RAPH1: variants seen among roughly 807,000 people sequenced by gnomAD.
RAPH1 encodes the protein ras-associated and pleckstrin homology domains-containing protein 1.
RAPH1 carries 18 observed loss-of-function variants against 88.1 expected under a neutral mutation model. The ratio of observed to expected loss-of-function variants is 0.20; its 90% CI spans 0.14 to 0.30. The LOEUF is 0.30. RAPH1 is among the 10% of genes least tolerant of loss of function. The pLI, the probability that RAPH1 is intolerant of heterozygous loss-of-function variation, is 1.00. For missense variants in RAPH1, 1,448 were observed against 1,543.2 expected, an observed-to-expected ratio of 0.94 and a Z score of 1.03; for synonymous variants, 587 against 559.0, an observed-to-expected ratio of 1.05 and a Z score of -0.71.
In RAPH1 at chr2:203,527,244, T is replaced by TTTA. The variant is rs1310872775; in HGVS notation, c.-1+7866_-1+7867insTAA. On this transcript the variant is annotated intron_variant, in intron 1 of 13. Coordinates refer to ENST00000319170, the MANE Select transcript of RAPH1 (RefSeq NM_213589.3). ...TTAATACACACATGTATTTTATATATAATACATATTTATCCTTAACATACA... is the reference window on the plus strand; with the variant it reads ...TTAATACACACATGTATTTTATATATTTAAATACATATTTATCCTTAACATACA... Among the ~76,000 whole-genome samples, 5 of 152,292 alleles carry TTTA rather than the reference T, an allele frequency of 3.3e-5. No individual in the cohort carries two copies. The East Asian group carries it at 9.7e-4, about 29-fold the overall frequency.
At chr2:203,513,379 GAGTCTCGCTCTGTCGGCC>G (rs1288009719) in intron 1 of RAPH1, among the ~76,000 whole-genome samples, 187 of 104,104 alleles carry the variant, frequency 1.8e-3, no homozygotes, top group African/African-American at 7.7e-3. Context: ...TTTTGAGATA[GAGTCTCGCTCTGTCGGCC>G]AGGCTGAAGT....
At chr2:203,488,639 G>A (rs1021926233) in intron 4 of RAPH1, among the ~76,000 whole-genome samples, 200 of 96,168 alleles carry the variant, frequency 2.1e-3, no homozygotes, top group African/African-American at 7.6e-3. Flanking sequence ...AACAACTTTT[G>A]TTCTCTGAAC....
intron 1 of RAPH1, among the ~76,000 whole-genome samples, chr2:203,517,501 A>G (rs1227524215): frequency 2.6e-5 from 4 of 152,194 alleles, no homozygotes; most frequent in South Asian, 2.1e-4. Flanking sequence ...ACTCAATAAC[A>G]CCATCAATCA....
At chr2:203,470,165 G>A (rs985264038) in intron 4 of RAPH1, 1 of 942,960 alleles carries the variant, frequency 1.1e-6, no homozygotes, top group Non-Finnish European at 1.6e-6. Context: ...TAATATAAGA[G>A]CATGATCAAA....
At chr2:203,490,460 A>C (rs1342667208) in intron 3 of RAPH1, among the ~76,000 whole-genome samples, 1 of 152,228 alleles carries the variant, frequency 6.6e-6, no homozygotes, top group East Asian at 1.9e-4. Flanking sequence ...AGGGCATAAA[A>C]AGAGAAGTCA....
intron 1 of RAPH1, among the ~76,000 whole-genome samples, chr2:203,521,118 A>G (rs1332895901): frequency 6.6e-6 from 1 of 152,132 alleles, no homozygotes; most frequent in Non-Finnish European, 1.5e-5. Context: ...CAGTGACACA[A>G]TCTTGGCTCA....
chr2:203,484,458 G>A (rs969636942), intron 4 of RAPH1, among the ~76,000 whole-genome samples: 1 of 152,172 alleles, frequency 6.6e-6, no homozygotes, highest in Admixed American at 6.5e-5. Context: ...AGTAGCACAC[G>A]CCCTTGATGG....
chr2:203,488,588 T>TAAAAAAAA (rs750783858), intron 4 of RAPH1, among the ~76,000 whole-genome samples: 2 of 36,662 alleles, frequency 5.5e-5, no homozygotes, highest in Admixed American at 4.3e-4. Context: ...CTCCGTCTAT[T>TAAAAAAAA]AAAAAAAAAA....
chr2:203,473,688 T>C (rs553338333), intron 4 of RAPH1, among the ~76,000 whole-genome samples: 2 of 152,270 alleles, frequency 1.3e-5, no homozygotes, highest in East Asian at 3.9e-4. Context: ...AAAAAAATTA[T>C]GGTTTGGGCA....
At chr2:203,527,800 CAAAAAAAA>C (rs59384499) in intron 1 of RAPH1, among the ~76,000 whole-genome samples, 1 of 51,238 alleles carries the variant, frequency 2.0e-5, no homozygotes, top group African/African-American at 5.9e-5. Flanking sequence ...AACTCCATCT[CAAAAAAAA>C]AAAAAAAAAA....
At chr2:203,481,977 C>G (rs1412193630) in intron 4 of RAPH1, among the ~76,000 whole-genome samples, 1 of 150,276 alleles carries the variant, frequency 6.7e-6, no homozygotes, top group African/African-American at 2.4e-5. Flanking sequence ...CAAAAACAGA[C>G]CTAAACCTAA....
intron 4 of RAPH1, among the ~76,000 whole-genome samples, chr2:203,466,854 A>G (rs1394650615): frequency 1.3e-5 from 2 of 152,240 alleles, no homozygotes; most frequent in Non-Finnish European, 2.9e-5. Context: ...AATGAAAGCC[A>G]ACACTGTGGC....
intron 1 of RAPH1, among the ~76,000 whole-genome samples, chr2:203,532,264 T>C (rs1291895197): frequency 2.0e-5 from 3 of 152,236 alleles, no homozygotes; most frequent in African/African-American, 7.2e-5. Flanking sequence ...CACTGTGGCT[T>C]GTAGAATTAC....
chr2:203,521,531 T>C (rs1165105209), intron 1 of RAPH1, among the ~76,000 whole-genome samples: 3 of 152,130 alleles, frequency 2.0e-5, no homozygotes, highest in Non-Finnish European at 4.4e-5. Context: ...TACACCTCTT[T>C]AAAGGAAATT....
rs1256517441 is a variant in RAPH1 at position 203,437,400 on chromosome 2, G to A, written c.*2037C>T. ...TGGGTGCCCCTCAAACTATAAAACT[G>A]CAGGCAGAAGACTATGAGAAATTCA... On this transcript the variant is annotated 3_prime_UTR_variant, in exon 14 of 14. Transcript: ENST00000319170. 2 of 152,086 alleles carry A rather than the reference G, an allele frequency of 1.3e-5. No homozygotes were observed. Among genetic ancestry groups the A allele is most frequent in the Non-Finnish European group, 2.9e-5 (2 of 68,010 alleles). The allele number at this position is 152,086 out of a possible 1,614,324, so 9.4% of individuals were successfully genotyped here. A position where few individuals can be genotyped will look rare whatever the true frequency, so the allele number is the denominator to read the frequency against.
chr2:203,452,840 C>T (rs2098515982), intron 10 of RAPH1, among the ~76,000 whole-genome samples: 1 of 151,758 alleles, frequency 6.6e-6, no homozygotes, highest in South Asian at 2.1e-4. Flanking sequence ...CCCAGCTACT[C>T]GGGAAGCTAA....
At chr2:203,511,131 A>G (rs922671442) in intron 1 of RAPH1, among the ~76,000 whole-genome samples, 1 of 152,160 alleles carries the variant, frequency 6.6e-6, no homozygotes, top group African/African-American at 2.4e-5. Flanking sequence ...AGCTCTGGAA[A>G]GAGAGAAACC....
At chr2:203,481,398 A>T (rs961787542) in intron 4 of RAPH1, among the ~76,000 whole-genome samples, 2 of 152,144 alleles carry the variant, frequency 1.3e-5, no homozygotes, top group African/African-American at 2.4e-5. Context: ...AATGTGTGTT[A>T]AGACATAAAG....
chr2:203,439,421 TA>T lies in RAPH1; in HGVS notation c.*15del. On this transcript the variant is annotated 3_prime_UTR_variant, in exon 14 of 14. Transcript: ENST00000319170. Reference sequence around the variant, plus strand: ...GCAGTGATTACAGATATCATGAAAATAAAGTCCTATGGTGGCTACCAGTCTC... The same window carrying T: ...GCAGTGATTACAGATATCATGAAAATAAGTCCTATGGTGGCTACCAGTCTC... 6.2e-7 allele frequency: 1 copy of T among 1,605,590 alleles called. No individual in the cohort carries two copies. Among genetic ancestry groups the T allele is most frequent in the South Asian group, 1.1e-5 (1 of 90,782 alleles).
Sources: gnomAD v4.1 joint callset for allele counts (sites outside exome capture counted in the v4.1 genomes callset) on GRCh38, gnomAD v4.1.1 for gene constraint, MANE v1.5 for transcripts, NCBI Gene and HGNC (gene_info 2026-07-23, HGNC 2026-07-21) for gene names.